FHIT: variants seen among roughly 807,000 people sequenced by gnomAD.
FHIT encodes fragile histidine triad diadenosine triphosphatase, also known as bis(5'-adenosyl)-triphosphatase.
In FHIT, 19 loss-of-function variants were observed where a neutral mutation model predicts 17.9. The observed-to-expected ratio is 1.06, with a 90% CI of 0.74 to 1.56. The LOEUF (loss-of-function observed/expected upper bound fraction) is 1.56, where lower values mean the gene tolerates loss of function less well. Ranked by LOEUF, FHIT falls within the 40% of genes most tolerant of loss-of-function variation. The pLI, the probability that FHIT is intolerant of heterozygous loss-of-function variation, is 0.00. For synonymous variants in FHIT, 81 were observed against 69.7 expected, an observed-to-expected ratio of 1.16 and a Z score of -0.81; for missense variants, 248 against 189.2, an observed-to-expected ratio of 1.31 and a Z score of -1.82.
intron 5 of FHIT, among the ~76,000 whole-genome samples, chr3:60,022,843 C>T (rs1700601733): frequency 2.6e-5 from 4 of 152,114 alleles, no homozygotes; most frequent in African/African-American, 9.7e-5. Flanking sequence ...ATTCTCTCTC[C>T]CCCATTCTTA....
intron 3 of FHIT, among the ~76,000 whole-genome samples, chr3:60,982,781 TA>T (rs1403555394): frequency 2.0e-5 from 3 of 152,238 alleles, no homozygotes; most frequent in African/African-American, 7.2e-5. Flanking sequence ...CTTTAATCTT[TA>T]TAAGTATTAC....
At chr3:60,810,031 T>A (rs1208852186) in intron 4 of FHIT, among the ~76,000 whole-genome samples, 1 of 152,214 alleles carries the variant, frequency 6.6e-6, no homozygotes, top group African/African-American at 2.4e-5. Flanking sequence ...GCGGTGATGA[T>A]AAGGCCTAAC....
At chr3:60,736,091 A>G (rs1184971165) in intron 4 of FHIT, among the ~76,000 whole-genome samples, 1 of 152,220 alleles carries the variant, frequency 6.6e-6, no homozygotes, top group Non-Finnish European at 1.5e-5. Context: ...CAGCTCTACA[A>G]TGATACCACT....
intron 2 of FHIT, among the ~76,000 whole-genome samples, chr3:61,117,508 C>T (rs922979192): frequency 1.3e-5 from 2 of 152,126 alleles, no homozygotes; most frequent in Admixed American, 6.5e-5. Context: ...CTGGATGGCC[C>T]TAGATGCCAA....
At chr3:60,635,866 T>C (rs2039571390) in intron 4 of FHIT, among the ~76,000 whole-genome samples, 1 of 152,154 alleles carries the variant, frequency 6.6e-6, no homozygotes, top group African/African-American at 2.4e-5. Context: ...CACATATATA[T>C]ATAGTCTCTT....
At chr3:60,561,946 A>G (rs368558898) in intron 4 of FHIT, among the ~76,000 whole-genome samples, 3 of 150,530 alleles carry the variant, frequency 2.0e-5, no homozygotes, top group African/African-American at 4.9e-5. Context: ...GAAAGAGAGA[A>G]ACAGAGAGAG....
intron 3 of FHIT, among the ~76,000 whole-genome samples, chr3:60,872,841 G>A (rs1027462092): frequency 6.6e-6 from 1 of 152,026 alleles, no homozygotes; most frequent in East Asian, 1.9e-4. Context: ...GAATTATAGG[G>A]TAGTAACATA....
intron 4 of FHIT, among the ~76,000 whole-genome samples, chr3:60,602,623 T>C (rs1443163316): frequency 1.3e-5 from 2 of 151,998 alleles, no homozygotes; most frequent in East Asian, 1.9e-4. Context: ...TGGATCCAAA[T>C]AAAAATACAA....
chr3:61,068,261 A>T (rs904063754), intron 2 of FHIT, among the ~76,000 whole-genome samples: 1 of 152,170 alleles, frequency 6.6e-6, no homozygotes, highest in Non-Finnish European at 1.5e-5. Flanking sequence ...GTCTCTAAGG[A>T]AGAATGTTTC....
chr3:60,356,600 T>A (rs981972010), intron 5 of FHIT, among the ~76,000 whole-genome samples: 8 of 152,010 alleles, frequency 5.3e-5, no homozygotes, highest in Admixed American at 2.0e-4. Context: ...TCTATTTCAA[T>A]ACAAGTTATT....
intron 8 of FHIT, among the ~76,000 whole-genome samples, chr3:59,760,274 C>T (rs370085040): frequency 6.6e-6 from 1 of 152,038 alleles, no homozygotes; most frequent in African/African-American, 2.4e-5. Context: ...ATTTGTAACC[C>T]CCAAAAGTAA....
intron 3 of FHIT, among the ~76,000 whole-genome samples, chr3:60,901,798 A>T (rs1706127085): frequency 6.6e-6 from 1 of 152,198 alleles, no homozygotes; most frequent in South Asian, 2.1e-4. Context: ...GGTTCAAGGA[A>T]GTTCATGGGC....
intron 5 of FHIT, among the ~76,000 whole-genome samples, chr3:60,047,610 T>C (rs1375941743): frequency 6.6e-6 from 1 of 152,204 alleles, no homozygotes; most frequent in Non-Finnish European, 1.5e-5. Context: ...GCATTAGGCA[T>C]ATGTGAGCAG....
intron 3 of FHIT, among the ~76,000 whole-genome samples, chr3:60,832,279 A>G (rs1455949921): frequency 6.6e-6 from 1 of 152,160 alleles, no homozygotes; most frequent in Non-Finnish European, 1.5e-5. Flanking sequence ...TTTACCAATG[A>G]GGAAACAGAG....
At chr3:60,208,847 T>G (rs1055810865) in intron 5 of FHIT, among the ~76,000 whole-genome samples, 6 of 152,160 alleles carry the variant, frequency 3.9e-5, no homozygotes, top group African/African-American at 1.2e-4. Flanking sequence ...TAAGTTTCCA[T>G]GACTACCTGT....
intron 5 of FHIT, among the ~76,000 whole-genome samples, chr3:60,309,091 T>C (rs896805206): frequency 3.0e-4 from 45 of 152,282 alleles, no homozygotes; most frequent in South Asian, 2.1e-4. Flanking sequence ...GTTGTTTCCC[T>C]TTCTAAGTGA....
intron 5 of FHIT, among the ~76,000 whole-genome samples, chr3:60,483,892 C>CA (rs2033724875): frequency 6.6e-6 from 1 of 152,160 alleles, no homozygotes; most frequent in Non-Finnish European, 1.5e-5. Context: ...TAAATTGTCT[C>CA]TGTTTAGAGA....
chr3:60,960,704 C>A (rs1174415964), intron 3 of FHIT, among the ~76,000 whole-genome samples: 1 of 152,130 alleles, frequency 6.6e-6, no homozygotes, highest in African/African-American at 2.4e-5. Context: ...TCTGTCCTTG[C>A]AATAGTTTGC....
At chr3:60,903,929 G>A (rs1235315622) in intron 3 of FHIT, among the ~76,000 whole-genome samples, 3 of 152,094 alleles carry the variant, frequency 2.0e-5, no homozygotes, top group Non-Finnish European at 4.4e-5. Context: ...CTCCACAAAG[G>A]AAACAAGAAT....
Sources: allele counts gnomAD v4.1 joint callset (sites outside exome capture counted in the v4.1 genomes callset), GRCh38; gene constraint gnomAD v4.1.1; transcripts MANE v1.5; gene names NCBI Gene and HGNC (gene_info 2026-07-23, HGNC 2026-07-21).